Variants in ADGB observed in about 807,000 individuals in gnomAD.
ADGB encodes the protein calpain-7-like protein.
A neutral mutation model predicts 210.5 loss-of-function variants in ADGB; 172 were observed. That is an observed-to-expected ratio of 0.82 (90% CI 0.72 to 0.93). ADGB has a LOEUF of 0.93. Ranked by LOEUF, ADGB falls within the 40% of genes least tolerant of loss-of-function variation. The pLI is 0.00. For synonymous variants in ADGB, 658 were observed against 662.7 expected, an observed-to-expected ratio of 0.99 and a Z score of 0.11; for missense variants, 2,025 against 1,964.8, an observed-to-expected ratio of 1.03 and a Z score of -0.58.
chr6:146,679,697 C>T (rs1486641368), intron 9 of ADGB, among the ~76,000 whole-genome samples: 4 of 152,172 alleles, frequency 2.6e-5, no homozygotes, highest in African/African-American at 7.2e-5. Flanking sequence ...TCTCTCCTCT[C>T]GATATCTATG....
intron 25 of ADGB, among the ~76,000 whole-genome samples, chr6:146,744,694 C>A (rs778836017): frequency 1.3e-5 from 2 of 151,918 alleles, no homozygotes; most frequent in Non-Finnish European, 2.9e-5. Context: ...ATTCAGAATA[C>A]TAGTCTGTGG....
chr6:146,788,849 T>C (rs1209240668), intron 33 of ADGB, among the ~76,000 whole-genome samples: 1 of 152,194 alleles, frequency 6.6e-6, no homozygotes, highest in Non-Finnish European at 1.5e-5. Context: ...AGGTGTATTT[T>C]TTCTGTGTAT....
chr6:146,644,720 T>G, intron 2 of ADGB, 53 bp from the exon 3 acceptor site: 1 of 1,112,842 alleles, frequency 9.0e-7, no homozygotes, highest in Admixed American at 3.3e-5. Context: ...TAAAATTGTT[T>G]TTTTATTTTA....
intron 35 of ADGB, among the ~76,000 whole-genome samples, chr6:146,806,707 A>G (rs1778217416): frequency 6.6e-6 from 1 of 152,204 alleles, no homozygotes; most frequent in African/African-American, 2.4e-5. Context: ...ATTACTTTTG[A>G]AACAGTAAGC....
chr6:146,781,895 T>C (rs1435355640), intron 29 of ADGB, 125 bp from the exon 30 acceptor site: 15 of 652,520 alleles, frequency 2.3e-5, no homozygotes, highest in Non-Finnish European at 3.2e-5. Flanking sequence ...TAAAAATCTG[T>C]GTGATTGAAA....
At chr6:146,730,005 G>A (rs981058402) in intron 20 of ADGB, among the ~76,000 whole-genome samples, 13 of 152,160 alleles carry the variant, frequency 8.5e-5, no homozygotes, top group African/African-American at 2.7e-4. Context: ...GCAGGGAGGG[G>A]TAGCATTGCC....
At chr6:146,736,298 A>G (rs1354681337) in intron 22 of ADGB, among the ~76,000 whole-genome samples, 200 bp from the exon 23 acceptor site, 1 of 152,180 alleles carries the variant, frequency 6.6e-6, no homozygotes, top group Admixed American at 6.5e-5. Flanking sequence ...GGGAAACAGC[A>G]TAACACGGTG....
intron 32 of ADGB, among the ~76,000 whole-genome samples, chr6:146,788,047 A>C (rs1583639285): frequency 6.6e-6 from 1 of 152,152 alleles, no homozygotes; most frequent in Non-Finnish European, 1.5e-5. Flanking sequence ...ATCTATTATG[A>C]AGCATTGTCA....
chr6:146,601,911 T>C (rs1780561437), intron 1 of ADGB, among the ~76,000 whole-genome samples: 2 of 152,220 alleles, frequency 1.3e-5, no homozygotes, highest in Non-Finnish European at 2.9e-5. Context: ...TCATTCCTTC[T>C]GAATTTGATC....
At chr6:146,737,855 C>T (rs764811279) in intron 23 of ADGB, among the ~76,000 whole-genome samples, 45 of 152,208 alleles carry the variant, frequency 3.0e-4, no homozygotes, top group Non-Finnish European at 5.1e-4. Flanking sequence ...GATCTTTCCA[C>T]TACAGCCAAG....
At chr6:146,794,639 G>A (rs111647354) in intron 33 of ADGB, among the ~76,000 whole-genome samples, 1 of 151,998 alleles carries the variant, frequency 6.6e-6, no homozygotes, top group Non-Finnish European at 1.5e-5. Flanking sequence ...TTAAGGAAAG[G>A]GGGGTGGGAC....
intron 5 of ADGB, among the ~76,000 whole-genome samples, chr6:146,657,904 T>C (rs924973459): frequency 9.2e-5 from 14 of 152,146 alleles, no homozygotes; most frequent in Admixed American, 2.0e-4. Flanking sequence ...CCCTTATAAA[T>C]ATGGCAAAGC....
intron 12 of ADGB, among the ~76,000 whole-genome samples, chr6:146,694,749 A>G (rs1776381290): frequency 6.6e-6 from 1 of 152,110 alleles, no homozygotes; most frequent in Admixed American, 6.6e-5. Context: ...TCTTATTATT[A>G]GGTTTCTAGA....
chr6:146,803,134 C>T (rs774616615), intron 35 of ADGB: 7 of 1,481,828 alleles, frequency 4.7e-6, no homozygotes, highest in African/African-American at 1.4e-5. Context: ...TCTACCACAA[C>T]GCCAAGATCT....
intron 9 of ADGB, among the ~76,000 whole-genome samples, chr6:146,679,620 T>C (rs907106417): frequency 6.6e-6 from 1 of 152,210 alleles, no homozygotes; most frequent in African/African-American, 2.4e-5. Flanking sequence ...GAACTCCAAA[T>C]TATAAAGTGT....
intron 1 of ADGB, among the ~76,000 whole-genome samples, chr6:146,614,972 C>T (rs1406922201): frequency 1.3e-5 from 2 of 152,208 alleles, no homozygotes; most frequent in East Asian, 3.9e-4. Flanking sequence ...ACGATCTCGG[C>T]TCCCTGCAGG....
Position 146,724,366 on chromosome 6 carries a change from T to C in ADGB, c.2237+39T>C, listed in dbSNP as rs1427635923. ...TCATTTTTCCCATAATAAAAATTGT[T>C]TGAAGGCTTGCAAATTGTTGGTTAC... On this transcript the variant is annotated intron_variant, in intron 18 of 35. Coordinates refer to ENST00000397944, the MANE Select transcript of ADGB (RefSeq NM_024694.4). The C allele has an allele frequency of 8.1e-6, 12 of 1,482,426 alleles. 1 individual carries two copies. The South Asian group carries it at 1.7e-4, about 20-fold the overall frequency. 91.8% of individuals were successfully genotyped at this position (1,482,426 alleles called of 1,614,324 possible). A position where few individuals can be genotyped will look rare whatever the true frequency, so the allele number is the denominator to read the frequency against.
chr6:146,803,399 T>C, intron 35 of ADGB: 1 of 1,608,320 alleles, frequency 6.2e-7, no homozygotes, highest in Non-Finnish European at 8.5e-7. Flanking sequence ...CACAAGCCAG[T>C]TCATTTTCTT....
At chr6:146,772,534 G>A (rs1040705985) in intron 29 of ADGB, among the ~76,000 whole-genome samples, 1 of 146,818 alleles carries the variant, frequency 6.8e-6, no homozygotes, top group East Asian at 2.0e-4. Context: ...AGTAGTACTG[G>A]TTTCACGTCT....
Sources: allele counts gnomAD v4.1 joint callset (sites outside exome capture counted in the v4.1 genomes callset), GRCh38; gene constraint gnomAD v4.1.1; transcripts MANE v1.5; gene names NCBI Gene and HGNC (gene_info 2026-07-23, HGNC 2026-07-21).